SCFD2: variants seen among roughly 807,000 people sequenced by gnomAD.
SCFD2 encodes sec1 family domain-containing protein 2.
SCFD2 carries 54 observed loss-of-function variants against 58.9 expected under a neutral mutation model. The ratio of observed to expected loss-of-function variants is 0.92; its 90% CI spans 0.74 to 1.15. The LOEUF (loss-of-function observed/expected upper bound fraction) is 1.15, where lower values mean the gene tolerates loss of function less well. Among genes scored for constraint, SCFD2 ranks in the 50% most tolerant of loss-of-function variants. The pLI, the probability that SCFD2 is intolerant of heterozygous loss-of-function variation, is 0.00. For missense variants in SCFD2, 805 were observed against 836.6 expected, an observed-to-expected ratio of 0.96 and a Z score of 0.47; for synonymous variants, 321 against 335.9, an observed-to-expected ratio of 0.96 and a Z score of 0.49.
intron 5 of SCFD2, among the ~76,000 whole-genome samples, chr4:53,043,569 C>T (rs1050660714): frequency 4.0e-4 from 61 of 152,108 alleles, no homozygotes; most frequent in African/African-American, 1.4e-3. Flanking sequence ...TAACAAAACA[C>T]GAGGGTCAGA....
At chr4:52,896,522 C>A (rs955492831) in intron 7 of SCFD2, among the ~76,000 whole-genome samples, 5 of 152,100 alleles carry the variant, frequency 3.3e-5, no homozygotes, top group African/African-American at 4.8e-5. Context: ...TGGTCTATAT[C>A]TCTGTTTTGG....
chr4:53,308,088 T>C (rs531540133), intron 3 of SCFD2, among the ~76,000 whole-genome samples: 1 of 152,302 alleles, frequency 6.6e-6, no homozygotes, highest in Non-Finnish European at 1.5e-5. Context: ...ATTGGCACAG[T>C]AATCCTGGAA....
intron 3 of SCFD2, among the ~76,000 whole-genome samples, chr4:53,297,470 T>TG (rs1553897315): frequency 6.6e-6 from 1 of 152,088 alleles, no homozygotes; most frequent in African/African-American, 2.4e-5. Context: ...TTGGTTTTTT[T>TG]TTTGTTTGTT....
intron 4 of SCFD2, among the ~76,000 whole-genome samples, chr4:53,182,839 C>A (rs1340223201): frequency 2.0e-5 from 3 of 151,472 alleles, no homozygotes; most frequent in Admixed American, 1.3e-4. Context: ...AAAAGTGGGC[C>A]AAGGATATGA....
chr4:53,189,193 T>C (rs1325720375), intron 4 of SCFD2, among the ~76,000 whole-genome samples: 1 of 152,184 alleles, frequency 6.6e-6, no homozygotes, highest in African/African-American at 2.4e-5. Flanking sequence ...AGCTTTGCCA[T>C]CACTTGGAAA....
chr4:53,244,592 C>T (rs2149028983), intron 4 of SCFD2, among the ~76,000 whole-genome samples: 1 of 152,154 alleles, frequency 6.6e-6, no homozygotes, highest in Admixed American at 6.5e-5. Flanking sequence ...ACAGCTAAGG[C>T]AGTGTTAAGA....
chr4:53,230,509 A>G (rs1374743433), intron 4 of SCFD2, among the ~76,000 whole-genome samples: 1 of 151,990 alleles, frequency 6.6e-6, no homozygotes, highest in East Asian at 1.9e-4. Flanking sequence ...ATTCTCAGCA[A>G]ACTATCGCAA....
At chr4:53,228,586 A>G (rs1302790861) in intron 4 of SCFD2, among the ~76,000 whole-genome samples, 1 of 152,092 alleles carries the variant, frequency 6.6e-6, no homozygotes, top group Admixed American at 6.6e-5. Context: ...CATGCTAAAA[A>G]CTCTCAATAA....
chr4:53,345,918 C>G (rs914835472), intron 2 of SCFD2, among the ~76,000 whole-genome samples: 1 of 151,470 alleles, frequency 6.6e-6, no homozygotes, highest in African/African-American at 2.4e-5. Flanking sequence ...GGACACAGGG[C>G]GGGGAACATC....
chr4:53,217,872 T>A (rs1305862265), intron 4 of SCFD2, among the ~76,000 whole-genome samples: 1 of 152,228 alleles, frequency 6.6e-6, no homozygotes, highest in Non-Finnish European at 1.5e-5. Flanking sequence ...TGCTTGTCTG[T>A]AAAGGATTTT....
At chr4:53,353,301 G>A (rs1239085775) in intron 1 of SCFD2, among the ~76,000 whole-genome samples, 1 of 152,116 alleles carries the variant, frequency 6.6e-6, no homozygotes, top group African/African-American at 2.4e-5. Flanking sequence ...CTCCCAGTGG[G>A]TTCGTGGTCT....
intron 5 of SCFD2, among the ~76,000 whole-genome samples, chr4:53,104,577 G>A (rs560724986): frequency 2.0e-5 from 3 of 152,266 alleles, no homozygotes; most frequent in Non-Finnish European, 4.4e-5. Context: ...TAATAATACT[G>A]TATTGTTACT....
At chr4:53,248,877 A>G (rs1438386025) in intron 4 of SCFD2, among the ~76,000 whole-genome samples, 2 of 152,216 alleles carry the variant, frequency 1.3e-5, no homozygotes, top group Admixed American at 6.5e-5. Flanking sequence ...GAAAAACTCG[A>G]AATTCTAAAA....
At chr4:52,906,670 G>A (rs141142226) in intron 7 of SCFD2, among the ~76,000 whole-genome samples, 45 of 152,208 alleles carry the variant, frequency 3.0e-4, no homozygotes, top group African/African-American at 1.0e-3. Context: ...GTTTTGGAGT[G>A]GAACAGTTTT....
intron 4 of SCFD2, among the ~76,000 whole-genome samples, chr4:53,155,897 C>T (rs1315938397): frequency 2.0e-5 from 3 of 152,330 alleles, no homozygotes; most frequent in South Asian, 2.1e-4. Context: ...AACAGTAATA[C>T]ATTCTTTACC....
intron 3 of SCFD2, among the ~76,000 whole-genome samples, chr4:53,310,473 C>G (rs1009628063): frequency 6.6e-6 from 1 of 152,176 alleles, no homozygotes; most frequent in African/African-American, 2.4e-5. Flanking sequence ...CTACTCATTT[C>G]TTCTGTGAGT....
At position 53,191,094 on chromosome 4, in the gene SCFD2, T is replaced by G. The variant is rs536644935; in HGVS notation, c.1312-45512A>C. Among the ~76,000 whole-genome samples, 3 of 152,252 alleles carry G rather than the reference T, an allele frequency of 2.0e-5. No individual in the cohort carries two copies. The East Asian group carries it at 5.8e-4, about 30-fold the overall frequency. ...AGAGTGCTGTGGCTCACGCCTGTAA[T>G]CCCAGCACTTTGGGAGGCTGAGGAG... On this transcript the variant is annotated intron_variant, in intron 4 of 8. Transcript: ENST00000401642.
chr4:53,342,485 T>G (rs1450432783), intron 2 of SCFD2, among the ~76,000 whole-genome samples: 1 of 152,148 alleles, frequency 6.6e-6, no homozygotes, highest in Non-Finnish European at 1.5e-5. Flanking sequence ...ACAAAGAGAC[T>G]TAGACTCCAA....
At chr4:52,958,049 G>A (rs1306279980) in intron 5 of SCFD2, 1 of 147,070 alleles carries the variant, frequency 6.8e-6, no homozygotes, top group East Asian at 2.0e-4. Context: ...GGCACTTCTT[G>A]GAACACAAGT....
Sources: allele counts gnomAD v4.1 joint callset (sites outside exome capture counted in the v4.1 genomes callset), GRCh38; gene constraint gnomAD v4.1.1; transcripts MANE v1.5; gene names NCBI Gene and HGNC (gene_info 2026-07-23, HGNC 2026-07-21).